Variants in MTSS1 observed in about 807,000 individuals in gnomAD.
The protein encoded by MTSS1 is MTSS I-BAR domain containing 1, also known as protein MTSS 1.
In MTSS1, 18 loss-of-function variants were observed where a neutral mutation model predicts 79.0. The ratio of observed to expected loss-of-function variants is 0.23; its 90% confidence interval spans 0.16 to 0.34. MTSS1 has a LOEUF of 0.34. Ranked by LOEUF, MTSS1 falls within the 10% of genes least tolerant of loss-of-function variation. The probability of loss-of-function intolerance (pLI) is 1.00; values close to 1 mark genes in which losing one functional copy is unlikely to be tolerated. For synonymous variants in MTSS1, 341 were observed against 368.6 expected, an observed-to-expected ratio of 0.93 and a Z score of 0.86; for missense variants, 815 against 986.2, an observed-to-expected ratio of 0.83 and a Z score of 2.33.
At chr8:124,567,733 A>G in intron 7 of MTSS1, 1 of 1,517,214 alleles carries the variant, frequency 6.6e-7, no homozygotes, top group Non-Finnish European at 8.8e-7. Flanking sequence ...AGTTGGGACC[A>G]CGGGCCGGGC....
chr8:124,707,412 CA>C (rs1261304262), intron 1 of MTSS1, among the ~76,000 whole-genome samples: 2 of 148,654 alleles, frequency 1.3e-5, no homozygotes, highest in South Asian at 2.1e-4. Context: ...AACAAACAAA[CA>C]AACAAACAAA....
chr8:124,686,319 T>C (rs1170449994), intron 3 of MTSS1, among the ~76,000 whole-genome samples: 1 of 151,962 alleles, frequency 6.6e-6, no homozygotes, highest in East Asian at 1.9e-4. Context: ...TCATTTGACT[T>C]AATCTTCTGA....
intron 3 of MTSS1, among the ~76,000 whole-genome samples, chr8:124,694,212 G>A (rs770942118): frequency 4.6e-5 from 7 of 152,018 alleles, no homozygotes; most frequent in Non-Finnish European, 1.0e-4. Flanking sequence ...GGACTTGCGC[G>A]GAGTACAGAG....
At chr8:124,564,687 T>TACACACACACACACACACACACA (rs1554639346) in intron 9 of MTSS1, 7 of 47,350 alleles carry the variant, frequency 1.5e-4, no homozygotes, top group African/African-American at 2.4e-4. Flanking sequence ...GGTCTCTCTT[T>TACACACACACACACACACACACA]CACTCACACA....
At chr8:124,696,846 C>T (rs929228102) in intron 3 of MTSS1, among the ~76,000 whole-genome samples, 6 of 125,194 alleles carry the variant, frequency 4.8e-5, no homozygotes, top group Middle Eastern at 4.1e-3. Flanking sequence ...AGCAAGAGTC[C>T]GTCTCAAAAA....
In MTSS1 at chr8:124,553,206, T is replaced by C. The variant is rs1822837041; in HGVS notation, c.2054A>G (p.Glu685Gly). ...LPGPKPSIPE[E>G]HRQAIPESEA... ...ACTTTCTGGAATTGCCTGTCTGTGC[T>C]CCTCAGGGATACTGGGCTTCGGGCC... is the stretch of plus-strand genomic sequence containing the variant. The change falls in exon 14 of 14, where the codon GAG (glutamate) becomes GGG (glycine). Residue 685 changes from glutamate to glycine, a missense_variant. Coordinates refer to ENST00000518547, the MANE Select transcript of MTSS1 (RefSeq NM_014751.6). This position sits in a 1 kb window ranked among gnomAD's most constrained non-coding sequence, Gnocchi z 6.0. 2 of 1,613,952 alleles carry C rather than the reference T, an allele frequency of 1.2e-6. No homozygotes were observed. Among genetic ancestry groups the C allele is most frequent in the African/African-American group, 1.3e-5 (1 of 74,878 alleles).
intron 11 of MTSS1, 52 bp downstream of exon 11, chr8:124,557,629 G>A: frequency 1.4e-6 from 2 of 1,480,704 alleles, no homozygotes; most frequent in Non-Finnish European, 1.8e-6. Flanking sequence ...AACAGAAGAG[G>A]GGTGAGCACA....
intron 6 of MTSS1, among the ~76,000 whole-genome samples, chr8:124,573,880 C>G (rs940444202): frequency 6.6e-6 from 1 of 152,182 alleles, no homozygotes. Flanking sequence ...CCAGGAGCCC[C>G]TTATCCCCCC....
chr8:124,722,278 GC>G (rs1833062658), intron 1 of MTSS1, among the ~76,000 whole-genome samples: 1 of 152,054 alleles, frequency 6.6e-6, no homozygotes, highest in Admixed American at 6.5e-5. Context: ...CCCTTGTCCA[GC>G]CCCCAGAGAA....
At chr8:124,660,546 C>G (rs1325122817) in intron 3 of MTSS1, among the ~76,000 whole-genome samples, 2 of 151,788 alleles carry the variant, frequency 1.3e-5, no homozygotes, top group African/African-American at 4.8e-5. Flanking sequence ...GCACAGATCA[C>G]TAACCCACGC....
At chr8:124,681,586 A>C (rs183911413) in intron 3 of MTSS1, among the ~76,000 whole-genome samples, 1 of 152,278 alleles carries the variant, frequency 6.6e-6, no homozygotes, top group South Asian at 2.1e-4. Flanking sequence ...TCAGGAGTTC[A>C]AGACCAGCCT....
At chr8:124,703,759 A>T (rs138230421) in intron 2 of MTSS1, among the ~76,000 whole-genome samples, 138 of 152,326 alleles carry the variant, frequency 9.1e-4, no homozygotes, top group African/African-American at 2.6e-3. Flanking sequence ...CTCATCAGTA[A>T]AATGGGGATA....
At chr8:124,649,397 A>G (rs1819559576) in intron 3 of MTSS1, among the ~76,000 whole-genome samples, 1 of 152,206 alleles carries the variant, frequency 6.6e-6, no homozygotes, top group Non-Finnish European at 1.5e-5. Context: ...CCCCCAGCAC[A>G]GAGCAGCGAT....
chr8:124,711,005 C>T (rs147909514), intron 1 of MTSS1, among the ~76,000 whole-genome samples: 1 of 152,310 alleles, frequency 6.6e-6, no homozygotes, highest in African/African-American at 2.4e-5. Context: ...GCTGGCTCAC[C>T]AGTGGATCTG....
chr8:124,726,364 C>T (rs531861044), intron 1 of MTSS1, among the ~76,000 whole-genome samples: 1 of 152,334 alleles, frequency 6.6e-6, no homozygotes, highest in East Asian at 1.9e-4. Flanking sequence ...GTGGACAGAT[C>T]CGTCAGTGTG....
At position 124,568,435 on chromosome 8, in the gene MTSS1, A is replaced by G; in HGVS notation, c.562T>C (p.Leu188=). 1 of 1,614,180 alleles carries G rather than the reference A, an allele frequency of 6.2e-7. No homozygotes were observed. The highest frequency in any genetic ancestry group is 8.5e-7 in the Non-Finnish European group (1 of 1,180,030). ...CAGAATCGGCCACGTTCTTCAATCAAAGCCTTCCGGACAGCCTGCTTTTCT... is the reference window on the plus strand; with the variant it reads ...CAGAATCGGCCACGTTCTTCAATCAGAGCCTTCCGGACAGCCTGCTTTTCT... ...ETEKQAVRKA[L]IEERGRFCTF... is the part of the protein sequence containing the mutation. Residue 188 remains leucine (L), a synonymous_variant, in exon 7 of 14, where the codon TTG becomes CTG. Coordinates refer to ENST00000518547, the MANE Select transcript of MTSS1 (RefSeq NM_014751.6).
chr8:124,622,085 AG>A (rs1365521529), intron 3 of MTSS1, among the ~76,000 whole-genome samples: 8 of 151,800 alleles, frequency 5.3e-5, no homozygotes, highest in African/African-American at 1.9e-4. Context: ...AGAGAGAGAG[AG>A]AGAGAGAGAG....
At position 124,671,513 on chromosome 8, in the gene MTSS1, C is replaced by T. The variant is rs554444030; in HGVS notation, c.208+28013G>A. ...TGCCTTCTACTCTAAAATTGCATGGCGTGCACAGCAACCCCCAAAGTTTCT... is the reference window on the plus strand; with the variant it reads ...TGCCTTCTACTCTAAAATTGCATGGTGTGCACAGCAACCCCCAAAGTTTCT... On this transcript the variant is annotated intron_variant, in intron 3 of 13. Coordinates refer to ENST00000518547, the MANE Select transcript of MTSS1 (RefSeq NM_014751.6). Among the ~76,000 whole-genome samples, 16 of 152,276 alleles carry T rather than the reference C, an allele frequency of 1.1e-4. No individual in the cohort carries two copies. The East Asian group carries it at 2.5e-3, about 24-fold the overall frequency.
intron 3 of MTSS1, among the ~76,000 whole-genome samples, chr8:124,669,632 A>G (rs761401338): frequency 5.3e-4 from 81 of 152,324 alleles, no homozygotes; most frequent in Middle Eastern, 3.4e-3. Context: ...TGACCTACAT[A>G]TTTCTGGCTG....
Sources: gnomAD v4.1 joint callset for allele counts (sites outside exome capture counted in the v4.1 genomes callset) on GRCh38, gnomAD v4.1.1 for gene constraint, Gnocchi (gnomAD v3.1) non-coding constraint, MANE v1.5 for transcripts, NCBI Gene and HGNC (gene_info 2026-07-23, HGNC 2026-07-21) for gene names.